ESRRG: variants seen among roughly 807,000 people sequenced by gnomAD.
ESRRG encodes the protein estrogen-related receptor gamma.
Under a neutral mutation model 44.0 loss-of-function variants are expected in ESRRG, and 13 were observed. The ratio of observed to expected loss-of-function variants is 0.30; its 90% confidence interval spans 0.19 to 0.47. The LOEUF (loss-of-function observed/expected upper bound fraction) is 0.47. Among genes scored for constraint, ESRRG ranks in the 20% least tolerant of loss-of-function variants. The probability of loss-of-function intolerance (pLI) is 1.00; values close to 1 mark genes in which losing one functional copy is unlikely to be tolerated. For missense variants in ESRRG, 395 were observed against 580.6 expected, an observed-to-expected ratio of 0.68 and a Z score of 3.29; for synonymous variants, 215 against 214.6, an observed-to-expected ratio of 1.00 and a Z score of -0.02.
chr1:216,688,897 A>C (rs979802905), intron 1 of ESRRG, among the ~76,000 whole-genome samples: 1 of 152,148 alleles, frequency 6.6e-6, no homozygotes, highest in Non-Finnish European at 1.5e-5. Context: ...GAAAGAGTGG[A>C]GAAGGGTTGG....
intron 3 of ESRRG, among the ~76,000 whole-genome samples, chr1:216,610,611 G>A (rs1453138059): frequency 4.6e-5 from 7 of 151,988 alleles, no homozygotes; most frequent in African/African-American, 1.7e-4. Context: ...ACTTAGGGAA[G>A]GATAACCAAA....
At chr1:216,926,496 A>C (rs543815789) in intron 2 of ESRRG, among the ~76,000 whole-genome samples, 13 of 152,230 alleles carry the variant, frequency 8.5e-5, no homozygotes, top group Non-Finnish European at 1.3e-4. Flanking sequence ...CAAAGACCAA[A>C]TGGTTTGGCA....
intron 5 of ESRRG, among the ~76,000 whole-genome samples, chr1:216,528,492 T>C (rs1468839991): frequency 6.6e-6 from 1 of 152,210 alleles, no homozygotes; most frequent in Non-Finnish European, 1.5e-5. Flanking sequence ...ATCCTAGTTG[T>C]ACAATTATTT....
chr1:216,808,856 T>C (rs751198109), intron 2 of ESRRG, among the ~76,000 whole-genome samples: 1 of 152,194 alleles, frequency 6.6e-6, no homozygotes, highest in Non-Finnish European at 1.5e-5. Flanking sequence ...TAAAAATCAT[T>C]AAGCAGAACA....
At chr1:216,885,272 A>G (rs1246475329) in intron 2 of ESRRG, among the ~76,000 whole-genome samples, 1 of 152,234 alleles carries the variant, frequency 6.6e-6, no homozygotes, top group Non-Finnish European at 1.5e-5. Flanking sequence ...GGTATACACT[A>G]TATGAGAATA....
chr1:216,630,445 A>AACACACAC lies in ESRRG; in HGVS notation c.589+20520_589+20527dup, dbSNP rs59403765. On this transcript the variant is annotated intron_variant, in intron 3 of 6. Transcript: ENST00000408911. ...ACATGTGCATGCACATGTGCGTGTG[A>AACACACAC]ACACACACACACACACACACACACA... Among the ~76,000 whole-genome samples the AACACACAC allele has an allele frequency of 1.2e-3, 177 of 146,470 alleles. 1 individual carries two copies. The highest frequency in any genetic ancestry group is 4.3e-3 in the African/African-American group (168 of 39,024).
intron 2 of ESRRG, among the ~76,000 whole-genome samples, chr1:216,755,772 A>G (rs964161658): frequency 6.6e-6 from 1 of 152,176 alleles, no homozygotes; most frequent in African/African-American, 2.4e-5. Flanking sequence ...AAGAAACAGT[A>G]TGCATTTTTA....
intron 2 of ESRRG, among the ~76,000 whole-genome samples, chr1:216,732,139 T>G (rs2152128086): frequency 6.7e-6 from 1 of 148,448 alleles, no homozygotes; most frequent in Non-Finnish European, 1.5e-5. Flanking sequence ...AAAGAAAGGT[T>G]TTGTCAACAT....
chr1:217,039,938 G>C (rs770568606), intron 1 of ESRRG, among the ~76,000 whole-genome samples: 81 of 152,018 alleles, frequency 5.3e-4, no homozygotes, highest in Non-Finnish European at 8.1e-4. Flanking sequence ...CTGTCTTAAG[G>C]TTTGTAGGTT....
intron 1 of ESRRG, among the ~76,000 whole-genome samples, chr1:216,963,063 T>G (rs561913879): frequency 6.6e-6 from 1 of 152,316 alleles, no homozygotes; most frequent in African/African-American, 2.4e-5. Context: ...AGGAAAATAA[T>G]ATTCAACTCA....
At chr1:216,573,327 T>C (rs1039116609) in intron 3 of ESRRG, among the ~76,000 whole-genome samples, 8 of 152,002 alleles carry the variant, frequency 5.3e-5, no homozygotes, top group East Asian at 1.9e-4. Context: ...GTCTGGCTCT[T>C]TCCATAACTA....
At chr1:217,015,163 A>G (rs12759546) in intron 1 of ESRRG, among the ~76,000 whole-genome samples, 22,548 of 152,124 alleles carry the variant, frequency 0.15, 2,170 homozygotes, top group East Asian at 0.21. Flanking sequence ...GCAGAACCCC[A>G]TATAGGTTAG....
chr1:216,598,060 C>T (rs1253964682), intron 3 of ESRRG, among the ~76,000 whole-genome samples: 1 of 152,148 alleles, frequency 6.6e-6, no homozygotes, highest in Admixed American at 6.5e-5. Flanking sequence ...TATTGTGGAA[C>T]ATTCACTGCC....
intron 6 of ESRRG, among the ~76,000 whole-genome samples, chr1:216,510,835 C>T (rs879777095): frequency 1.3e-5 from 2 of 152,102 alleles, no homozygotes; most frequent in Non-Finnish European, 2.9e-5. Flanking sequence ...GATCGCGCCA[C>T]TGCACTCCAG....
intron 2 of ESRRG, among the ~76,000 whole-genome samples, chr1:216,773,927 A>G (rs1361330): frequency 0.37 from 56,809 of 151,932 alleles, 10,746 homozygotes; most frequent in East Asian, 0.45. Flanking sequence ...AGTACTAGAT[A>G]ATTATAATTT....
rs10541226 is a variant in ESRRG, at chr1:217,073,198, A to C, written c.-106+16309T>G. ...ACCTTGTCTTCATTCCTTTCTGGAC[A>C]AAAAAAAAAAAAAAAAAAAAAAAAA... is the stretch of plus-strand genomic sequence containing the variant. On this transcript the variant is annotated intron_variant, in intron 1 of 7. Coordinates refer to the ESRRG transcript ENST00000359162. Among the ~76,000 whole-genome samples, 32 of 13,038 alleles carry C rather than the reference A, an allele frequency of 2.5e-3. 1 individual carries two copies. The highest frequency in any genetic ancestry group is 4.0e-3 in the Non-Finnish European group (23 of 5,694). The allele number at this position is 13,038 out of a possible 152,430, so 8.6% of individuals were successfully genotyped here.
chr1:216,723,932 T>C (rs1044388157), upstream of ESRRG, among the ~76,000 whole-genome samples: 1 of 152,136 alleles, frequency 6.6e-6, no homozygotes, highest in Admixed American at 6.5e-5. Flanking sequence ...TGTCTGTGTT[T>C]TTATTACACC....
chr1:216,991,395 T>G (rs1205951433), intron 1 of ESRRG, among the ~76,000 whole-genome samples: 1 of 152,146 alleles, frequency 6.6e-6, no homozygotes, highest in Non-Finnish European at 1.5e-5. Flanking sequence ...GCTGCTGCTG[T>G]TATCATCCAT....
intron 5 of ESRRG, among the ~76,000 whole-genome samples, chr1:216,562,644 C>T (rs1200430986): frequency 1.3e-5 from 2 of 152,020 alleles, no homozygotes; most frequent in African/African-American, 4.8e-5. Context: ...GGCAGCCCCT[C>T]ATGACAATTA....
Sources: allele counts gnomAD v4.1 joint callset (sites outside exome capture counted in the v4.1 genomes callset), GRCh38; gene constraint gnomAD v4.1.1; transcripts MANE v1.5; gene names NCBI Gene and HGNC (gene_info 2026-07-23, HGNC 2026-07-21).